NELL2: variants seen among roughly 807,000 people sequenced by gnomAD.
NELL2 encodes neural EGFL like 2.
In NELL2, 41 loss-of-function variants were observed where a neutral mutation model predicts 109.6. That is an observed-to-expected ratio of 0.37 (90% CI 0.29 to 0.49). The LOEUF (loss-of-function observed/expected upper bound fraction) is 0.49, where lower values mean the gene tolerates loss of function less well. Ranked by LOEUF, NELL2 falls within the 20% of genes least tolerant of loss-of-function variation. The probability of loss-of-function intolerance (pLI) is 0.98; values close to 1 mark genes in which losing one functional copy is unlikely to be tolerated. For missense variants in NELL2, 900 were observed against 1,008.3 expected (o/e 0.89, Z 1.45); for synonymous variants, 355 against 344.7 (o/e 1.03, Z -0.33).
intron 9 of NELL2, among the ~76,000 whole-genome samples, chr12:44,765,644 T>C (rs1468225078): frequency 6.6e-6 from 1 of 152,238 alleles, no homozygotes; most frequent in Non-Finnish European, 1.5e-5. Flanking sequence ...AATAGATATG[T>C]TACCAGCTTA....
At chr12:44,698,064 G>C (rs1305413197) in intron 12 of NELL2, among the ~76,000 whole-genome samples, 1 of 152,050 alleles carries the variant, frequency 6.6e-6, no homozygotes. Context: ...TGTTCACATA[G>C]TGTAATTTCC....
intron 2 of NELL2, among the ~76,000 whole-genome samples, chr12:44,868,614 T>A (rs944425608): frequency 6.6e-6 from 1 of 152,196 alleles, no homozygotes; most frequent in East Asian, 1.9e-4. Context: ...GAAGACATTA[T>A]GTAAAGTGAA....
In NELL2 at chr12:44,630,934, T is replaced by C. The variant is rs11182587; in HGVS notation, c.1445-19964A>G. Among the ~76,000 whole-genome samples the C allele has an allele frequency of 1.2e-3, 184 of 152,240 alleles. 3 individuals carry two copies. The East Asian group carries it at 0.026, about 22-fold the overall frequency. Reference sequence around the variant, plus strand: ...GGTACTCATTCCATGTCAACTTCATTTGTGTTGGCCCCCTTGCCTAAAATC... The same window carrying C: ...GGTACTCATTCCATGTCAACTTCATCTGTGTTGGCCCCCTTGCCTAAAATC... On this transcript the variant is annotated intron_variant, in intron 13 of 19. Coordinates refer to ENST00000429094, the MANE Select transcript of NELL2 (RefSeq NM_001145108.2).
chr12:44,820,039 C>T (rs1943487078), intron 2 of NELL2, among the ~76,000 whole-genome samples: 1 of 152,074 alleles, frequency 6.6e-6, no homozygotes, highest in Admixed American at 6.5e-5. Flanking sequence ...GCCCAGGACA[C>T]AGATGAAGAT....
chr12:44,648,619 C>T (rs551727455), intron 13 of NELL2, among the ~76,000 whole-genome samples: 1 of 149,150 alleles, frequency 6.7e-6, no homozygotes, highest in South Asian at 2.1e-4. Flanking sequence ...TAAAAACTTA[C>T]AGAGAATGAG....
chr12:44,513,161 A>T (rs1239879270), intron 19 of NELL2, among the ~76,000 whole-genome samples: 1 of 152,040 alleles, frequency 6.6e-6, no homozygotes, highest in African/African-American at 2.4e-5. Flanking sequence ...GGCCATGATT[A>T]GGTGTAAAAC....
chr12:44,604,938 A>C (rs1415956910), intron 15 of NELL2, among the ~76,000 whole-genome samples: 1 of 152,162 alleles, frequency 6.6e-6, no homozygotes, highest in African/African-American at 2.4e-5. Context: ...AAAGGATTTG[A>C]CTGGATGTGA....
chr12:44,883,452 G>T (rs1016225345), intron 1 of NELL2, among the ~76,000 whole-genome samples: 3 of 151,874 alleles, frequency 2.0e-5, no homozygotes, highest in African/African-American at 7.3e-5. Flanking sequence ...GGACCCCCTG[G>T]ATAATCCAGT....
intron 9 of NELL2, among the ~76,000 whole-genome samples, chr12:44,737,020 G>A (rs1486135526): frequency 6.6e-6 from 1 of 151,840 alleles, no homozygotes; most frequent in Non-Finnish European, 1.5e-5. Flanking sequence ...TTTCAGTGCT[G>A]TAGTTACATA....
intron 2 of NELL2, among the ~76,000 whole-genome samples, chr12:44,842,317 AACT>A (rs777901068): frequency 6.6e-5 from 10 of 152,190 alleles, no homozygotes; most frequent in Admixed American, 1.3e-4. Flanking sequence ...GATTTTGACA[AACT>A]ACCAAATAAA....
chr12:44,907,210 C>T (rs1945729508), intron 1 of NELL2, among the ~76,000 whole-genome samples: 2 of 152,016 alleles, frequency 1.3e-5, no homozygotes, highest in African/African-American at 4.8e-5. Context: ...CATAAATTAC[C>T]CAGTCTCGGG....
At chr12:44,553,878 CAT>C (rs1943138173) in intron 15 of NELL2, among the ~76,000 whole-genome samples, 1 of 152,040 alleles carries the variant, frequency 6.6e-6, no homozygotes, top group Non-Finnish European at 1.5e-5. Flanking sequence ...CACACACACA[CAT>C]GCACACACAC....
At chr12:44,795,203 G>C (rs115073838) in intron 3 of NELL2, among the ~76,000 whole-genome samples, 2,197 of 152,254 alleles carry the variant, frequency 0.014, 51 homozygotes, top group African/African-American at 0.05. Context: ...ATAGGAAAAT[G>C]ATCAGACCAT....
chr12:44,908,375 G>A (rs541363666), intron 1 of NELL2, among the ~76,000 whole-genome samples: 1 of 151,932 alleles, frequency 6.6e-6, no homozygotes. Flanking sequence ...GGTAGGTAAA[G>A]GTCAAAAGAT....
intron 13 of NELL2, among the ~76,000 whole-genome samples, chr12:44,617,795 T>C (rs1294173344): frequency 6.6e-6 from 1 of 151,872 alleles, no homozygotes; most frequent in Non-Finnish European, 1.5e-5. Flanking sequence ...AAAAATTAGT[T>C]GCCTATTATC....
intron 9 of NELL2, among the ~76,000 whole-genome samples, chr12:44,756,468 A>C (rs1361566420): frequency 6.6e-6 from 1 of 151,996 alleles, no homozygotes; most frequent in East Asian, 1.9e-4. Context: ...GCATCCTCCC[A>C]TTCACAGCCA....
intron 1 of NELL2, among the ~76,000 whole-genome samples, chr12:44,893,691 G>A (rs1048837808): frequency 7.2e-5 from 11 of 152,108 alleles, no homozygotes; most frequent in Non-Finnish European, 1.0e-4. Flanking sequence ...GCCCAGTACC[G>A]AAGCAAGCAT....
intron 9 of NELL2, among the ~76,000 whole-genome samples, chr12:44,731,416 C>G (rs1356613588): frequency 6.6e-6 from 1 of 151,936 alleles, no homozygotes; most frequent in Non-Finnish European, 1.5e-5. Flanking sequence ...GGTATTTATC[C>G]CTGGGGTGTG....
intron 15 of NELL2, among the ~76,000 whole-genome samples, chr12:44,546,029 T>C (rs1176404318): frequency 2.6e-5 from 4 of 152,122 alleles, no homozygotes; most frequent in East Asian, 1.9e-4. Context: ...ATTATTAATA[T>C]AGTGAAGCAA....
Sources: allele counts gnomAD v4.1 joint callset (sites outside exome capture counted in the v4.1 genomes callset), GRCh38; gene constraint gnomAD v4.1.1; transcripts MANE v1.5; gene names NCBI Gene and HGNC (gene_info 2026-07-23, HGNC 2026-07-21).